The following FREM2 variants were observed in gnomAD, a reference collection of about 807,000 sequenced individuals.
FREM2 encodes the protein FRAS1-related extracellular matrix protein 2.
A neutral mutation model predicts 219.9 loss-of-function variants in FREM2; 119 were observed. The ratio of observed to expected loss-of-function variants is 0.54; its 90% CI spans 0.47 to 0.63. The LOEUF is 0.63. FREM2 is among the 30% of genes least tolerant of loss of function. The pLI, the probability that FREM2 is intolerant of heterozygous loss-of-function variation, is 0.00. For missense variants in FREM2, 4,030 were observed against 3,993.6 expected (o/e 1.01, Z -0.25); for synonymous variants, 1,562 against 1,522.8 (o/e 1.03, Z -0.60).
Position 38,874,573 on chromosome 13 carries a change from G to A in FREM2, c.8268G>A (p.Val2756=), listed in dbSNP as rs765394681. The change falls in exon 18 of 24, where the codon GTG becomes GTA. Residue 2756 remains valine (V), a synonymous_variant. Transcript: ENST00000280481. ...KTEAQFHGLF[V]LSHPASFTSS... ...AGGCTCAGTTCCATGGCTTATTTGT[G>A]CTGTCACATCCCGGTAAGCCCCGTT... The A allele has an allele frequency of 6.2e-7, 1 of 1,613,816 alleles. No homozygotes were observed. The highest frequency in any genetic ancestry group is 1.1e-5 in the South Asian group (1 of 91,084).
At chr13:38,714,180 G>T in intron 2 of FREM2, among the ~76,000 whole-genome samples, 1 of 152,176 alleles carries the variant, frequency 6.6e-6, no homozygotes, top group Non-Finnish European at 1.5e-5. Flanking sequence ...CATAGTGGCT[G>T]GTCAGTCACA....
At chr13:38,807,538 ATGAC>A (rs1291279670) in intron 6 of FREM2, among the ~76,000 whole-genome samples, 5 of 151,774 alleles carry the variant, frequency 3.3e-5, no homozygotes, top group African/African-American at 1.2e-4. Flanking sequence ...CAAAGTTGAA[ATGAC>A]TCCTTAATCC....
chr13:38,861,985 A>G (rs1877777927), intron 15 of FREM2, among the ~76,000 whole-genome samples: 2 of 152,218 alleles, frequency 1.3e-5, no homozygotes, highest in Admixed American at 1.3e-4. Flanking sequence ...TTTCCAAGAT[A>G]TTTAAATAAA....
intron 2 of FREM2, among the ~76,000 whole-genome samples, chr13:38,715,185 T>C (rs1031185682): frequency 3.3e-5 from 5 of 152,174 alleles, no homozygotes; most frequent in African/African-American, 1.2e-4. Context: ...TCATGTTTAT[T>C]TAAATGTGTT....
rs377374185 is a variant in FREM2 at position 38,856,087 on chromosome 13, A to T, written c.6926-39A>T. ...AAAAAATAGAAAACTTCTCATATTC[A>T]TATGCAAATGATTTAAATCTGTGAT... On this transcript the variant is annotated intron_variant, in intron 11 of 23. Coordinates refer to ENST00000280481, the MANE Select transcript of FREM2 (RefSeq NM_207361.6). 1.2e-5 allele frequency: 17 copies of T among 1,466,392 alleles called. No individual in the cohort carries two copies. The Admixed American group carries it at 1.7e-4, about 15-fold the overall frequency. 90.8% of individuals were successfully genotyped at this position (1,466,392 alleles called of 1,614,324 possible).
chr13:38,743,781 C>T (rs1476624882), intron 2 of FREM2, among the ~76,000 whole-genome samples: 1 of 152,170 alleles, frequency 6.6e-6, no homozygotes, highest in East Asian at 1.9e-4. Flanking sequence ...CTTTCTTTGT[C>T]ATTTCTCCCA....
intron 6 of FREM2, among the ~76,000 whole-genome samples, chr13:38,794,148 G>C (rs1031225259): frequency 1.3e-4 from 20 of 152,112 alleles, no homozygotes; most frequent in Admixed American, 6.5e-5. Context: ...TTACTTAAGA[G>C]ACCTGCAAAA....
At chr13:38,800,744 C>T (rs1301141475) in intron 6 of FREM2, among the ~76,000 whole-genome samples, 1 of 152,156 alleles carries the variant, frequency 6.6e-6, no homozygotes, top group African/African-American at 2.4e-5. Flanking sequence ...ATTCTCTTGC[C>T]TCAGCCTCCC....
At chr13:38,732,683 A>G (rs2137769371) in intron 2 of FREM2, among the ~76,000 whole-genome samples, 1 of 152,352 alleles carries the variant, frequency 6.6e-6, no homozygotes, top group Admixed American at 6.5e-5. Context: ...AGCACACAGG[A>G]GAAACTGATG....
At chr13:38,836,708 C>T (rs1876723302) in intron 6 of FREM2, among the ~76,000 whole-genome samples, 1 of 152,042 alleles carries the variant, frequency 6.6e-6, no homozygotes, top group Non-Finnish European at 1.5e-5. Context: ...TCAATTTCTC[C>T]TAGATTTTCT....
At chr13:38,696,220 G>A (rs1439626987) in intron 1 of FREM2, among the ~76,000 whole-genome samples, 2 of 152,154 alleles carry the variant, frequency 1.3e-5, no homozygotes, top group Non-Finnish European at 2.9e-5. Context: ...TAGCAGGAGG[G>A]TACCATTAAC....
At chr13:38,752,571 G>A (rs1195173432) in intron 2 of FREM2, among the ~76,000 whole-genome samples, 1 of 151,776 alleles carries the variant, frequency 6.6e-6, no homozygotes, top group Non-Finnish European at 1.5e-5. Flanking sequence ...CTAGCCATGA[G>A]ATTTAAGTTT....
chr13:38,737,097 G>A (rs1210343784), intron 2 of FREM2, among the ~76,000 whole-genome samples: 1 of 152,158 alleles, frequency 6.6e-6, no homozygotes, highest in Non-Finnish European at 1.5e-5. Context: ...AATCCTGTGA[G>A]TGTATCATGT....
chr13:38,782,646 G>A (rs920670386), intron 4 of FREM2, among the ~76,000 whole-genome samples: 3 of 152,164 alleles, frequency 2.0e-5, no homozygotes, highest in African/African-American at 7.2e-5. Context: ...TGACAAATAG[G>A]TTCAACTATG....
intron 4 of FREM2, among the ~76,000 whole-genome samples, chr13:38,780,159 T>C (rs1287883318): frequency 6.6e-6 from 1 of 152,202 alleles, no homozygotes; most frequent in Non-Finnish European, 1.5e-5. Context: ...ACATGTCAGC[T>C]TGGATATTTA....
At chr13:38,706,811 A>G (rs1024953121) in intron 2 of FREM2, among the ~76,000 whole-genome samples, 4 of 152,194 alleles carry the variant, frequency 2.6e-5, no homozygotes, top group Non-Finnish European at 2.9e-5. Flanking sequence ...GTACCTTTCT[A>G]CAATATCCCA....
At chr13:38,859,239 C>A (rs745527679) in intron 13 of FREM2, 48 bp from the exon 14 acceptor site, 1 of 1,574,342 alleles carries the variant, frequency 6.4e-7, no homozygotes, top group Middle Eastern at 1.7e-4. Context: ...AGAATGCGTT[C>A]CACCTGTTCT....
chr13:38,883,374 A>G lies in FREM2; in HGVS notation c.*2587A>G, dbSNP rs147605991. On this transcript the variant is annotated 3_prime_UTR_variant, in exon 24 of 24. Transcript: ENST00000280481. ...GTTTTTAGAGAACTATTCTGGTACT[A>G]TCAGAACAAATACATAAAATAACTT... The G allele has an allele frequency of 5.7e-4, 87 of 152,294 alleles. 1 individual carries two copies. The highest frequency in any genetic ancestry group is 1.9e-3 in the African/African-American group (78 of 41,576). The allele number at this position is 152,294 out of a possible 1,614,324, so 9.4% of individuals were successfully genotyped here.
Position 38,722,966 on chromosome 13 carries a change from C to T in FREM2, c.5263+25179C>T, listed in dbSNP as rs530932154. Among the ~76,000 whole-genome samples, 24 of 152,244 alleles carry T rather than the reference C, an allele frequency of 1.6e-4. No homozygotes were observed. In the South Asian group the frequency reaches 4.1e-3, roughly 26 times the overall value. ...CAGCTGGCAGCCAGGTGCAGTGGCT[C>T]CTGCCTATAATCCCAGCACTTTGGA... On this transcript the variant is annotated intron_variant, in intron 2 of 23. Coordinates refer to ENST00000280481, the MANE Select transcript of FREM2 (RefSeq NM_207361.6).
Sources: allele counts gnomAD v4.1 joint callset (sites outside exome capture counted in the v4.1 genomes callset), GRCh38; gene constraint gnomAD v4.1.1; transcripts MANE v1.5; gene names NCBI Gene and HGNC (gene_info 2026-07-23, HGNC 2026-07-21).